Variants in RPS6KA2 observed in about 807,000 individuals in gnomAD.
The protein encoded by RPS6KA2 is ribosomal protein S6 kinase alpha-2.
A neutral mutation model predicts 91.8 loss-of-function variants in RPS6KA2; 42 were observed. The ratio of observed to expected loss-of-function variants is 0.46; its 90% CI spans 0.36 to 0.59. The LOEUF (loss-of-function observed/expected upper bound fraction) is 0.59. Ranked by LOEUF, RPS6KA2 falls within the 20% of genes least tolerant of loss-of-function variation. RPS6KA2 has a pLI of 0.00. For missense variants in RPS6KA2, 798 were observed against 978.5 expected (o/e 0.82, Z 2.46); for synonymous variants, 414 against 393.6 (o/e 1.05, Z -0.61).
At chr6:166,856,076 T>TA (rs1034356257) in intron 2 of RPS6KA2, among the ~76,000 whole-genome samples, 22 of 152,192 alleles carry the variant, frequency 1.4e-4, no homozygotes, top group African/African-American at 4.8e-5. Flanking sequence ...TAGGAGCTCT[T>TA]AAAAAATAAA....
At chr6:166,714,754 G>A (rs759573254) in intron 2 of RPS6KA2, among the ~76,000 whole-genome samples, 5 of 152,194 alleles carry the variant, frequency 3.3e-5, no homozygotes, top group East Asian at 1.9e-4. Flanking sequence ...CCTCCAACTC[G>A]GACTTCCAGC....
chr6:166,592,865 A>T (rs950192920), intron 1 of RPS6KA2, among the ~76,000 whole-genome samples: 3 of 152,242 alleles, frequency 2.0e-5, no homozygotes, highest in East Asian at 3.8e-4. Context: ...CTTATGAATC[A>T]ATAACAAAAG....
chr6:166,584,273 C>G (rs1785105360), intron 1 of RPS6KA2, among the ~76,000 whole-genome samples: 1 of 152,230 alleles, frequency 6.6e-6, no homozygotes, highest in Admixed American at 6.5e-5. Context: ...GTCTCTCTTC[C>G]TCTTCCTCTG....
At chr6:166,831,757 T>TAAC (rs1248625001) in intron 2 of RPS6KA2, among the ~76,000 whole-genome samples, 4 of 149,362 alleles carry the variant, frequency 2.7e-5, no homozygotes, top group Admixed American at 6.8e-5. Context: ...ATACACACAA[T>TAAC]AACAGAATTA....
intron 10 of RPS6KA2, among the ~76,000 whole-genome samples, chr6:166,483,276 G>A (rs1279786778): frequency 6.6e-6 from 1 of 152,174 alleles, no homozygotes. Context: ...AGGGCCCATG[G>A]CTGTGCAGCT....
chr6:166,445,471 G>A lies in RPS6KA2; in HGVS notation c.1332+3253C>T, dbSNP rs1779648524. ...TTGTGGGGGCTGTCCTGTGCACACA[G>A]GATGCTAACCAGCTTCCCTGACCCG... On this transcript the variant is annotated intron_variant, in intron 14 of 20. Coordinates refer to ENST00000265678, the MANE Select transcript of RPS6KA2 (RefSeq NM_021135.6). This position sits in a 1 kb window ranked among gnomAD's most constrained non-coding sequence, Gnocchi z 4.5. 6.6e-6 allele frequency among the ~76,000 whole-genome samples: 1 copy of A among 152,198 alleles called. No individual in the cohort carries two copies. Among genetic ancestry groups the A allele is most frequent in the Non-Finnish European group, 1.5e-5 (1 of 68,036 alleles).
chr6:166,482,176 A>T (rs1033805256), intron 10 of RPS6KA2, among the ~76,000 whole-genome samples: 2 of 152,246 alleles, frequency 1.3e-5, no homozygotes, highest in African/African-American at 4.8e-5. Flanking sequence ...TCGATCTTAA[A>T]GTATGTGCTG....
chr6:166,790,410 G>A (rs975916218), intron 2 of RPS6KA2, among the ~76,000 whole-genome samples: 9 of 152,216 alleles, frequency 5.9e-5, no homozygotes, highest in Non-Finnish European at 8.8e-5. Context: ...AAGTGATGGG[G>A]AGAATGGAAC....
chr6:166,451,647 T>A (rs1478302220), intron 12 of RPS6KA2, among the ~76,000 whole-genome samples: 5 of 152,204 alleles, frequency 3.3e-5, no homozygotes, highest in Admixed American at 6.5e-5. Flanking sequence ...GAATCCTGTA[T>A]CCTTAGCTTC....
intron 2 of RPS6KA2, among the ~76,000 whole-genome samples, chr6:166,771,128 G>C (rs1778459437): frequency 6.6e-6 from 1 of 152,184 alleles, no homozygotes; most frequent in Non-Finnish European, 1.5e-5. Flanking sequence ...AGGAACTTGC[G>C]ACTTTTGTGC....
At chr6:166,593,222 T>G (rs1382092614) in intron 1 of RPS6KA2, among the ~76,000 whole-genome samples, 1 of 152,148 alleles carries the variant, frequency 6.6e-6, no homozygotes, top group East Asian at 1.9e-4. Context: ...GAAGAAAAAT[T>G]CTTTATAGGT....
intron 3 of RPS6KA2, among the ~76,000 whole-genome samples, chr6:166,518,006 C>A (rs1180262131): frequency 1.3e-5 from 2 of 152,198 alleles, no homozygotes; most frequent in African/African-American, 4.8e-5. Context: ...TGATTTCCCA[C>A]TCCACACGCT....
chr6:166,605,229 A>G (rs946979526), intron 1 of RPS6KA2, among the ~76,000 whole-genome samples: 1 of 152,134 alleles, frequency 6.6e-6, no homozygotes, highest in African/African-American at 2.4e-5. Flanking sequence ...ACGACATTCT[A>G]CCCCTCTAAA....
chr6:166,550,838 T>TG (rs1554289586), intron 1 of RPS6KA2, among the ~76,000 whole-genome samples: 1 of 151,568 alleles, frequency 6.6e-6, no homozygotes, highest in Non-Finnish European at 1.5e-5. Flanking sequence ...CCGTCTCTAC[T>TG]AAAATACAAA....
rs778876908 is a variant in RPS6KA2, at chr6:166,500,916, AG to A, written c.574del (p.Leu192TrpfsTer14). On this transcript the variant is annotated frameshift_variant, in exon 7 of 21. Coordinates refer to ENST00000265678, the MANE Select transcript of RPS6KA2 (RefSeq NM_021135.6). LOFTEE classifies it high-confidence loss of function. The surrounding 1 kb of genome is among the most constrained non-coding windows in gnomAD (Gnocchi z 4.3). ...GATCTTAATGTGCCCCTCTTCATCC[AG>A]GAGGATGCTAAAAGAAAGGGAGAGA... ...YRDLKPENIL[L>X]DEEGHIKITD... 6.2e-7 allele frequency: 1 copy of A among 1,613,958 alleles called. No homozygotes were observed. The highest frequency in any genetic ancestry group is 8.5e-7 in the Non-Finnish European group (1 of 1,179,900).
chr6:166,461,901 C>G (rs1230048673), intron 11 of RPS6KA2, among the ~76,000 whole-genome samples: 1 of 152,108 alleles, frequency 6.6e-6, no homozygotes, highest in Non-Finnish European at 1.5e-5. Flanking sequence ...ATCCCCAGAG[C>G]CTGGTGCCCA....
intron 3 of RPS6KA2, among the ~76,000 whole-genome samples, chr6:166,524,780 T>A (rs751760868): frequency 6.6e-6 from 1 of 152,114 alleles, no homozygotes. Flanking sequence ...ATACAACCTA[T>A]CCCACTTTCA....
intron 1 of RPS6KA2, among the ~76,000 whole-genome samples, chr6:166,588,900 C>T (rs1019828563): frequency 6.6e-6 from 1 of 152,162 alleles, no homozygotes; most frequent in East Asian, 1.9e-4. Flanking sequence ...TGTGTTCCAG[C>T]AAGTAGATGG....
rs746414141 is a variant in RPS6KA2, at chr6:166,510,361, C to A, written c.299-4G>T. 9 of 1,574,874 alleles carry A rather than the reference C, an allele frequency of 5.7e-6. No individual in the cohort carries two copies. The East Asian group carries it at 1.4e-4, about 24-fold the overall frequency. On this transcript the variant is annotated splice_polypyrimidine_tract_variant and splice_region_variant and intron_variant, in intron 3 of 20. Transcript: ENST00000265678. ...TTCGATCTCACTCGGTCCCGAACTG[C>A]AAAGTAAAAAGATAAAGGCTTTCAT...
Sources: gnomAD v4.1 joint callset for allele counts (sites outside exome capture counted in the v4.1 genomes callset) on GRCh38, gnomAD v4.1.1 for gene constraint, Gnocchi (gnomAD v3.1) non-coding constraint, MANE v1.5 for transcripts, NCBI Gene and HGNC (gene_info 2026-07-23, HGNC 2026-07-21) for gene names.